The following PARPBP variants were observed in gnomAD, a reference collection of about 807,000 sequenced individuals.
PARPBP encodes the protein PARP1 binding protein.
In PARPBP, 52 loss-of-function variants were observed where a neutral mutation model predicts 50.0. The observed-to-expected ratio is 1.04, with a 90% CI of 0.83 to 1.31. The LOEUF (loss-of-function observed/expected upper bound fraction) is 1.31, where lower values mean the gene tolerates loss of function less well. Ranked by LOEUF, PARPBP falls within the 50% of genes most tolerant of loss-of-function variation. The pLI is 0.00. For missense variants in PARPBP, 697 were observed against 672.0 expected (o/e 1.04, Z -0.41); for synonymous variants, 244 against 232.1 (o/e 1.05, Z -0.47).
chr12:102,152,327 A>C (rs1886311132), intron 3 of PARPBP, among the ~76,000 whole-genome samples: 1 of 149,410 alleles, frequency 6.7e-6, no homozygotes, highest in Non-Finnish European at 1.5e-5. Context: ...GGATGGGTGG[A>C]AAGTATTCCA....
At chr12:102,127,853 A>G (rs1882244449) in intron 2 of PARPBP, among the ~76,000 whole-genome samples, 1 of 152,172 alleles carries the variant, frequency 6.6e-6, no homozygotes, top group Non-Finnish European at 1.5e-5. Context: ...CAGCCTTTTG[A>G]CTGAGTGGCC....
intron 7 of PARPBP, among the ~76,000 whole-genome samples, chr12:102,176,443 G>A (rs1270497332): frequency 1.3e-5 from 2 of 152,054 alleles, no homozygotes; most frequent in Admixed American, 6.5e-5. Context: ...ATAAATCTCT[G>A]TCTCTTGTTT....
At chr12:102,129,576 CA>C (rs1882534652) in intron 2 of PARPBP, among the ~76,000 whole-genome samples, 1 of 152,090 alleles carries the variant, frequency 6.6e-6, no homozygotes, top group South Asian at 2.1e-4. Context: ...AGGACTTTTG[CA>C]GTTTCAAATG....
intron 2 of PARPBP, among the ~76,000 whole-genome samples, chr12:102,125,082 T>C (rs1881771404): frequency 6.6e-6 from 1 of 152,226 alleles, no homozygotes; most frequent in Non-Finnish European, 1.5e-5. Flanking sequence ...TTAAGATAAA[T>C]TTTGAATCTC....
chr12:102,131,883 G>A (rs1311721009), intron 2 of PARPBP, among the ~76,000 whole-genome samples: 2 of 152,098 alleles, frequency 1.3e-5, no homozygotes, highest in Non-Finnish European at 2.9e-5. Context: ...TAACTAATGG[G>A]CACTTGGCTT....
chr12:102,170,910 T>C (rs945330130), intron 6 of PARPBP, among the ~76,000 whole-genome samples: 3 of 150,450 alleles, frequency 2.0e-5, no homozygotes, highest in Non-Finnish European at 3.0e-5. Context: ...TTTTTCTTTT[T>C]TTTTTTTTTT....
chr12:102,168,500 T>G (rs1250588196), intron 6 of PARPBP, among the ~76,000 whole-genome samples: 2 of 152,134 alleles, frequency 1.3e-5, no homozygotes, highest in Non-Finnish European at 2.9e-5. Flanking sequence ...TTGTGTTGAT[T>G]TGTTTGTTTA....
At chr12:102,147,490 C>G (rs142889474) in intron 2 of PARPBP, among the ~76,000 whole-genome samples, 193 of 146,338 alleles carry the variant, frequency 1.3e-3, no homozygotes, top group Non-Finnish European at 2.1e-3. Flanking sequence ...ACCGCATGTT[C>G]TCAATCATAG....
chr12:102,196,228 A>G lies in PARPBP; in HGVS notation c.1677A>G (p.Lys559=), dbSNP rs745639883. Reference sequence around the variant, plus strand: ...TAGCTAAAGTAGCAAAAAGTAATAAATGTACTGCCAAGGACAAGTTGATTT... The same window carrying G: ...TAGCTAAAGTAGCAAAAAGTAATAAGTGTACTGCCAAGGACAAGTTGATTT... ...GKLAKVAKSN[K]CTAKDKLISG... is the part of the protein sequence containing the mutation. The change falls in exon 11 of 11, where the codon AAA becomes AAG. Residue 559 remains lysine (K), a synonymous_variant. Coordinates refer to ENST00000327680, the MANE Select transcript of PARPBP (RefSeq NM_017915.5). The G allele has an allele frequency of 6.2e-7, 1 of 1,609,962 alleles. No individual in the cohort carries two copies. The highest frequency in any genetic ancestry group is 1.3e-5 in the African/African-American group (1 of 74,798).
intron 9 of PARPBP, among the ~76,000 whole-genome samples, chr12:102,192,701 T>G (rs950094610): frequency 1.3e-5 from 2 of 152,104 alleles, no homozygotes; most frequent in Non-Finnish European, 2.9e-5. Flanking sequence ...ATCTTGATTC[T>G]GTTATCCAGT....
At position 102,164,596 on chromosome 12, in the gene PARPBP, G is replaced by A. The variant is rs1887939029; in HGVS notation, c.654G>A (p.Met218Ile). ...DLKHAAREKQMSIFLVATSFI... is the reference protein window; with the variant it reads ...DLKHAAREKQISIFLVATSFI... ...AACATGCTGCTCGAGAGAAACAAAT[G>A]TCTATCTTTTTGGTATGGTTGTGTG... The change falls in exon 5 of 11, where the codon ATG becomes ATA. Residue 218 changes from methionine to isoleucine, a missense_variant. Coordinates refer to ENST00000327680, the MANE Select transcript of PARPBP (RefSeq NM_017915.5). The A allele has an allele frequency of 1.9e-6, 3 of 1,613,146 alleles. No individual in the cohort carries two copies. Among genetic ancestry groups the A allele is most frequent in the Admixed American group, 1.7e-5 (1 of 59,974 alleles).
chr12:102,191,471 G>C (rs1890790849), intron 9 of PARPBP, among the ~76,000 whole-genome samples: 1 of 152,060 alleles, frequency 6.6e-6, no homozygotes, highest in South Asian at 2.1e-4. Context: ...ATATTTACTA[G>C]GTATGTTGAA....
intron 4 of PARPBP, among the ~76,000 whole-genome samples, chr12:102,161,186 A>G (rs1287453692): frequency 6.6e-6 from 1 of 151,956 alleles, no homozygotes; most frequent in East Asian, 1.9e-4. Flanking sequence ...GCTCACTGCA[A>G]TCTACACCTC....
intron 1 of PARPBP, among the ~76,000 whole-genome samples, chr12:102,122,026 T>C (rs540257362): frequency 1.3e-5 from 2 of 152,276 alleles, no homozygotes; most frequent in Non-Finnish European, 2.9e-5. Context: ...GGAAAGGTGA[T>C]GTAACTTGGC....
Position 102,140,905 on chromosome 12 carries a change from T to G in PARPBP, c.154-7325T>G, listed in dbSNP as rs868624062. ...GCTAAGGAGTGCTTTACTTCCAACT[T>G]AGTGGTCAATTTTGGAATAAGTGCG... On this transcript the variant is annotated intron_variant, in intron 2 of 10. Coordinates refer to ENST00000327680, the MANE Select transcript of PARPBP (RefSeq NM_017915.5). 1.3e-5 allele frequency among the ~76,000 whole-genome samples: 2 copies of G among 152,148 alleles called. 1 individual carries two copies. Among genetic ancestry groups the G allele is most frequent in the Admixed American group, 1.3e-4 (2 of 15,254 alleles).
At chr12:102,137,611 C>T (rs1277280717) in intron 2 of PARPBP, among the ~76,000 whole-genome samples, 1 of 151,832 alleles carries the variant, frequency 6.6e-6, no homozygotes, top group African/African-American at 2.4e-5. Context: ...CCCATTAACT[C>T]GTCATTTACA....
At chr12:102,122,490 A>G (rs1881303457) in intron 1 of PARPBP, among the ~76,000 whole-genome samples, 1 of 152,228 alleles carries the variant, frequency 6.6e-6, no homozygotes, top group African/African-American at 2.4e-5. Flanking sequence ...AGGAAATGGA[A>G]TAAGTACAGG....
chr12:102,195,286 A>C, intron 9 of PARPBP, 26 bp from the exon 10 acceptor site: 14 of 1,400,272 alleles, frequency 1.0e-5, no homozygotes, highest in Non-Finnish European at 1.4e-5. Context: ...AAATTTGCAT[A>C]TTTTCTTCTT....
intron 2 of PARPBP, among the ~76,000 whole-genome samples, chr12:102,139,268 C>G (rs551266848): frequency 2.0e-4 from 31 of 152,256 alleles, no homozygotes; most frequent in Non-Finnish European, 3.8e-4. Flanking sequence ...TGAGAGTTCA[C>G]TCATGATTTG....
Sources: allele counts gnomAD v4.1 joint callset (sites outside exome capture counted in the v4.1 genomes callset), GRCh38; gene constraint gnomAD v4.1.1; transcripts MANE v1.5; gene names NCBI Gene and HGNC (gene_info 2026-07-23, HGNC 2026-07-21).